Variants in SPECC1 observed in about 807,000 individuals in gnomAD.
SPECC1 encodes the protein cytospin-B.
A neutral mutation model predicts 104.1 loss-of-function variants in SPECC1; 62 were observed. That is an observed-to-expected ratio of 0.60 (90% CI 0.49 to 0.74). The LOEUF is 0.74. SPECC1 is among the 30% of genes least tolerant of loss of function. The probability of loss-of-function intolerance (pLI) is 0.00; values close to 1 mark genes in which losing one functional copy is unlikely to be tolerated. For synonymous variants in SPECC1, 513 were observed against 501.6 expected (o/e 1.02, Z -0.30); for missense variants, 1,306 against 1,310.5 (o/e 1.00, Z 0.05).
At chr17:20,173,460 A>AC (rs2151189992) in intron 3 of SPECC1, among the ~76,000 whole-genome samples, 1 of 152,356 alleles carries the variant, frequency 6.6e-6, no homozygotes, top group South Asian at 2.1e-4. Flanking sequence ...ATTTAGAGAA[A>AC]TAAACCTGGG....
At chr17:20,310,192 A>G (rs2041892726) in intron 14 of SPECC1, among the ~76,000 whole-genome samples, 4 of 152,168 alleles carry the variant, frequency 2.6e-5, no homozygotes, top group South Asian at 2.1e-4. Flanking sequence ...TAGCACTGTG[A>G]TGAACATAAG....
At chr17:20,203,645 A>G (rs2036578652) in intron 3 of SPECC1, among the ~76,000 whole-genome samples, 1 of 152,248 alleles carries the variant, frequency 6.6e-6, no homozygotes, top group East Asian at 1.9e-4. Context: ...AATCAAATTT[A>G]TGCTGTCAAA....
Position 20,204,977 on chromosome 17 carries a change from C to A in SPECC1, c.928C>A (p.Arg310=). ...AAAAAACATACATGGAAATGCATTACGGACATCAGGCTCCTCAAGTAGCGA... is the reference window on the plus strand; with the variant it reads ...AAAAAACATACATGGAAATGCATTAAGGACATCAGGCTCCTCAAGTAGCGA... ...YKKNIHGNAL[R]TSGSSSSDVT... Residue 310 remains arginine, a synonymous_variant, in exon 4 of 15, where the codon CGG becomes AGG. Transcript: ENST00000395527. 1 of 1,614,032 alleles carries A rather than the reference C, an allele frequency of 6.2e-7. No homozygotes were observed. Among genetic ancestry groups the A allele is most frequent in the East Asian group, 2.2e-5 (1 of 44,902 alleles).
At chr17:20,011,409 G>C (rs557358558) in intron 1 of SPECC1, among the ~76,000 whole-genome samples, 25 of 151,718 alleles carry the variant, frequency 1.6e-4, no homozygotes, top group African/African-American at 6.0e-4. Context: ...ATATATGCTA[G>C]CATAATGTTG....
intron 12 of SPECC1, among the ~76,000 whole-genome samples, chr17:20,295,938 A>G (rs1262729880): frequency 2.0e-5 from 3 of 152,210 alleles, no homozygotes; most frequent in Admixed American, 6.5e-5. Flanking sequence ...CCAGATGGGT[A>G]GATTATAAAA....
intron 9 of SPECC1, among the ~76,000 whole-genome samples, chr17:20,250,252 A>G (rs2039570657): frequency 6.6e-6 from 1 of 152,228 alleles, no homozygotes; most frequent in Non-Finnish European, 1.5e-5. Context: ...CACAAAAGAA[A>G]GATGCTTTGA....
intron 1 of SPECC1, among the ~76,000 whole-genome samples, chr17:20,061,192 C>T (rs2046172772): frequency 1.3e-5 from 2 of 152,206 alleles, no homozygotes; most frequent in South Asian, 4.1e-4. Context: ...CTGCCTCAGC[C>T]TCCTGAGTAG....
chr17:20,018,196 C>CA (rs1184715182), intron 1 of SPECC1: 8 of 152,226 alleles, frequency 5.3e-5, no homozygotes, highest in African/African-American at 1.9e-4. Context: ...GCATAACAGC[C>CA]TCCTCCCAAG....
intron 3 of SPECC1, among the ~76,000 whole-genome samples, chr17:20,146,252 G>A (rs978156601): frequency 5.9e-5 from 9 of 152,140 alleles, no homozygotes; most frequent in African/African-American, 2.2e-4. Flanking sequence ...TGATCTTACT[G>A]TCTCTACAGG....
At chr17:20,251,224 C>CAAAAAAAAAAAAAAAAAAAAAAAAAAGAA (rs58071050) in intron 9 of SPECC1, among the ~76,000 whole-genome samples, 1 of 51,044 alleles carries the variant, frequency 2.0e-5, no homozygotes. Flanking sequence ...GACTCTATCT[C>CAAAAAAAAAAAAAAAAAAAAAAAAAAGAA]AAAAAAAAAA....
rs1250845611 is a variant in SPECC1, at chr17:20,314,858, A to AT, written c.*796dup. The AT allele has an allele frequency of 4.3e-5, 10 of 231,796 alleles. No homozygotes were observed. In the Admixed American group the frequency reaches 5.6e-4, roughly 13 times the overall value. The allele number at this position is 231,796 out of a possible 1,614,324, so 14.4% of individuals were successfully genotyped here. On this transcript the variant is annotated 3_prime_UTR_variant, in exon 15 of 15. Transcript: ENST00000395527. ...TTTAGCTCTCACCATCCCTTATTTG[A>AT]TTTATTGTAGCAAAAGGAAAGCCTG... is the stretch of plus-strand genomic sequence containing the variant.
At chr17:20,169,291 C>T (rs1247088740) in intron 3 of SPECC1, among the ~76,000 whole-genome samples, 1 of 152,204 alleles carries the variant, frequency 6.6e-6, no homozygotes, top group Non-Finnish European at 1.5e-5. Context: ...GGCATAGATA[C>T]AAACTATCTC....
chr17:20,150,426 G>A lies in SPECC1; in HGVS notation c.283+39864G>A, dbSNP rs2031898652. On this transcript the variant is annotated intron_variant, in intron 3 of 14. Transcript: ENST00000395527. The stretch of plus-strand genomic sequence containing the variant: ...AGGCCGAGGCGGGCAGATCACCTGA[G>A]GTCGGGAGTTCGAGACTAGCCTGAC... Among the ~76,000 whole-genome samples the A allele has an allele frequency of 2.6e-5, 4 of 151,778 alleles. No individual in the cohort carries two copies. The South Asian group carries it at 8.3e-4, about 32-fold the overall frequency.
intron 3 of SPECC1, among the ~76,000 whole-genome samples, chr17:20,174,190 A>G (rs1204143331): frequency 2.0e-5 from 3 of 152,044 alleles, no homozygotes; most frequent in Non-Finnish European, 4.4e-5. Flanking sequence ...CTCAGCCTCC[A>G]AAAGTGCTGT....
rs1410255566 is a variant in SPECC1 at position 20,069,282 on chromosome 17, A to C, written c.-21-27349A>C. On this transcript the variant is annotated intron_variant, in intron 1 of 14. Transcript: ENST00000395527. ...CATCCATGTCCCTATAAAGGACGTG[A>C]TCTTGTTCTTTTTTATGGCTGCATG... Among the ~76,000 whole-genome samples, 3 of 152,304 alleles carry C rather than the reference A, an allele frequency of 2.0e-5. No homozygotes were observed. In the East Asian group the frequency reaches 5.8e-4, roughly 29 times the overall value.
At chr17:20,105,246 C>T (rs1345734362) in intron 2 of SPECC1, among the ~76,000 whole-genome samples, 1 of 152,178 alleles carries the variant, frequency 6.6e-6, no homozygotes, top group Non-Finnish European at 1.5e-5. Flanking sequence ...CGCAGTGCCA[C>T]ACCCCACTAA....
At chr17:20,085,398 C>G (rs935793900) in intron 1 of SPECC1, among the ~76,000 whole-genome samples, 1 of 152,212 alleles carries the variant, frequency 6.6e-6, no homozygotes, top group Non-Finnish European at 1.5e-5. Context: ...CTGTCCCTCA[C>G]GCTGGAAACA....
rs117977395 is a variant in SPECC1 at position 20,210,865 on chromosome 17, G to A, written c.1863+4953G>A. ...CCCTCCCTCCATGCCAGGCCTGGCCGGGCCAGTGACTGTCTGGCAGTCATG... is the reference window on the plus strand; with the variant it reads ...CCCTCCCTCCATGCCAGGCCTGGCCAGGCCAGTGACTGTCTGGCAGTCATG... On this transcript the variant is annotated intron_variant, in intron 4 of 14. Transcript: ENST00000395527. 1.7e-3 allele frequency among the ~76,000 whole-genome samples: 263 copies of A among 152,020 alleles called. 1 individual carries two copies. Among genetic ancestry groups the A allele is most frequent in the Middle Eastern group, 0.017 (5 of 294 alleles).
At chr17:20,162,612 T>A (rs925426345) in intron 3 of SPECC1, among the ~76,000 whole-genome samples, 1 of 152,258 alleles carries the variant, frequency 6.6e-6, no homozygotes, top group Non-Finnish European at 1.5e-5. Context: ...TTAATTCTTC[T>A]TAACCCTCCA....
Sources: gnomAD v4.1 joint callset for allele counts (sites outside exome capture counted in the v4.1 genomes callset) on GRCh38, gnomAD v4.1.1 for gene constraint, MANE v1.5 for transcripts, NCBI Gene and HGNC (gene_info 2026-07-23, HGNC 2026-07-21) for gene names.